The following PPM1D variants were observed in gnomAD, a reference collection of about 807,000 sequenced individuals.
PPM1D encodes the protein protein phosphatase, Mg2+/Mn2+ dependent 1D, also known as protein phosphatase 1D.
In PPM1D, 52 loss-of-function variants were observed where a neutral mutation model predicts 58.3. The observed-to-expected ratio is 0.89, with a 90% CI of 0.71 to 1.12. The LOEUF (loss-of-function observed/expected upper bound fraction) is 1.12, where lower values mean the gene tolerates loss of function less well. PPM1D is among the 50% of genes most tolerant of loss of function. The pLI is 0.00. For missense variants in PPM1D, 564 were observed against 777.2 expected (o/e 0.73, Z 3.26); for synonymous variants, 278 against 285.1 (o/e 0.98, Z 0.25).
chr17:60,611,492 C>T (rs911655185), intron 1 of PPM1D, among the ~76,000 whole-genome samples: 1 of 151,828 alleles, frequency 6.6e-6, no homozygotes, highest in African/African-American at 2.4e-5. Context: ...TGCAGCGGCA[C>T]GATCTTGGCT....
intron 1 of PPM1D, among the ~76,000 whole-genome samples, chr17:60,618,533 C>G (rs777430509): frequency 1.8e-4 from 27 of 152,126 alleles, no homozygotes; most frequent in Non-Finnish European, 3.7e-4. Flanking sequence ...TAGTATTTCT[C>G]TGATAATTAA....
chr17:60,646,722 T>C (rs995352828), intron 3 of PPM1D, among the ~76,000 whole-genome samples: 3 of 152,220 alleles, frequency 2.0e-5, no homozygotes, highest in South Asian at 4.1e-4. Flanking sequence ...CTAAAAGTTA[T>C]TGTCTCTTGA....
intron 3 of PPM1D, among the ~76,000 whole-genome samples, chr17:60,638,662 A>G (rs1598408139): frequency 6.6e-6 from 1 of 151,970 alleles, no homozygotes; most frequent in East Asian, 1.9e-4. Flanking sequence ...AGCCACCGCG[A>G]CCGACCGGCC....
intron 5 of PPM1D, among the ~76,000 whole-genome samples, chr17:60,662,073 T>A (rs1011769453): frequency 2.6e-5 from 4 of 152,156 alleles, no homozygotes; most frequent in Non-Finnish European, 5.9e-5. Context: ...CTCTGCTCTC[T>A]GCAGCCTCCA....
chr17:60,638,775 G>A (rs1379222805), intron 3 of PPM1D, among the ~76,000 whole-genome samples: 20 of 152,094 alleles, frequency 1.3e-4, no homozygotes, highest in Admixed American at 1.3e-3. Flanking sequence ...CTCATATTTA[G>A]CACACACCCT....
intron 2 of PPM1D, among the ~76,000 whole-genome samples, chr17:60,630,185 T>G (rs2030891878): frequency 6.6e-6 from 1 of 151,988 alleles, no homozygotes; most frequent in Non-Finnish European, 1.5e-5. Flanking sequence ...AAAAATTTTT[T>G]TATAATTATA....
At chr17:60,605,798 G>C (rs1251761065) in intron 1 of PPM1D, among the ~76,000 whole-genome samples, 1 of 152,150 alleles carries the variant, frequency 6.6e-6, no homozygotes, top group Non-Finnish European at 1.5e-5. Context: ...CCAGCTACTG[G>C]GGAGGCTGAG....
intron 2 of PPM1D, among the ~76,000 whole-genome samples, chr17:60,626,049 T>G (rs868260955): frequency 6.6e-6 from 1 of 152,198 alleles, no homozygotes; most frequent in South Asian, 2.1e-4. Context: ...AGCTGTACCA[T>G]GTACAGATGT....
At chr17:60,606,956 T>C (rs2030341672) in intron 1 of PPM1D, among the ~76,000 whole-genome samples, 1 of 151,844 alleles carries the variant, frequency 6.6e-6, no homozygotes, top group Non-Finnish European at 1.5e-5. Flanking sequence ...GCCTGCAAAG[T>C]AGCTGAGACT....
chr17:60,602,610 G>C lies in PPM1D; in HGVS notation c.472+1724G>C, dbSNP rs368121140. ...TTCAGGAACATTTTTTAATAAAGCA[G>C]GGGCCATGCTGTTAAATGTAAATAT... is the stretch of plus-strand genomic sequence containing the variant. On this transcript the variant is annotated intron_variant, in intron 1 of 5. Transcript: ENST00000305921. Among the ~76,000 whole-genome samples the C allele has an allele frequency of 3.4e-4, 51 of 151,986 alleles. No individual in the cohort carries two copies. The East Asian group carries it at 8.1e-3, about 24-fold the overall frequency.
intron 1 of PPM1D, among the ~76,000 whole-genome samples, chr17:60,615,797 G>C (rs564622481): frequency 1.3e-5 from 2 of 150,580 alleles, no homozygotes; most frequent in South Asian, 4.2e-4. Flanking sequence ...GATTACAGAT[G>C]TAAGCCACCG....
intron 1 of PPM1D, 136 bp downstream of exon 1, chr17:60,601,022 A>G: frequency 7.6e-7 from 1 of 1,317,070 alleles, no homozygotes; most frequent in Non-Finnish European, 1.0e-6. Flanking sequence ...AAAAGCTGTA[A>G]TAGCGCTTTG....
intron 4 of PPM1D, among the ~76,000 whole-genome samples, chr17:60,654,035 T>A (rs1187307731): frequency 6.6e-6 from 1 of 152,080 alleles, no homozygotes; most frequent in African/African-American, 2.4e-5. Flanking sequence ...TCTTGCCTAA[T>A]TGCTCTGGCC....
chr17:60,657,322 C>A (rs2031459441), intron 5 of PPM1D, among the ~76,000 whole-genome samples: 1 of 152,080 alleles, frequency 6.6e-6, no homozygotes, highest in Non-Finnish European at 1.5e-5. Flanking sequence ...ATTCCTATTT[C>A]TTATCCATGT....
intron 4 of PPM1D, among the ~76,000 whole-genome samples, chr17:60,648,785 T>G (rs911338473): frequency 4.2e-5 from 6 of 141,214 alleles, no homozygotes; most frequent in Non-Finnish European, 9.3e-5. Context: ...TCTGACTGTC[T>G]CAGTGTCTCG....
intron 1 of PPM1D, among the ~76,000 whole-genome samples, chr17:60,621,404 T>G (rs531265540): frequency 6.6e-6 from 1 of 151,960 alleles, no homozygotes; most frequent in East Asian, 1.9e-4. Context: ...TTTGTTTGTT[T>G]GTTGTTTTGA....
intron 3 of PPM1D, among the ~76,000 whole-genome samples, chr17:60,643,887 T>C (rs996021554): frequency 1.4e-5 from 2 of 138,420 alleles, no homozygotes; most frequent in African/African-American, 2.7e-5. Context: ...TCTTTTCTTT[T>C]TTTTTTTTTT....
At chr17:60,632,951 G>A (rs551810744) in intron 2 of PPM1D, among the ~76,000 whole-genome samples, 2 of 151,476 alleles carry the variant, frequency 1.3e-5, no homozygotes, top group Non-Finnish European at 2.9e-5. Flanking sequence ...TGGACAACAA[G>A]AGCAAAACTC....
chr17:60,612,314 C>T (rs190266842), intron 1 of PPM1D, among the ~76,000 whole-genome samples: 1 of 152,096 alleles, frequency 6.6e-6, no homozygotes, highest in Admixed American at 6.6e-5. Flanking sequence ...TGCTTAACAA[C>T]AGGGATATGT....
Sources: allele counts gnomAD v4.1 joint callset (sites outside exome capture counted in the v4.1 genomes callset), GRCh38; gene constraint gnomAD v4.1.1; transcripts MANE v1.5; gene names NCBI Gene and HGNC (gene_info 2026-07-23, HGNC 2026-07-21).